The following CCDC146 variants were observed in gnomAD, a reference collection of about 807,000 sequenced individuals.
CCDC146 encodes coiled-coil domain-containing protein 146.
In CCDC146, 92 loss-of-function variants were observed where a neutral mutation model predicts 119.3. That is an observed-to-expected ratio of 0.77 (90% confidence interval 0.65 to 0.92). The LOEUF is 0.92. Among genes scored for constraint, CCDC146 ranks in the 40% least tolerant of loss-of-function variants. The probability of loss-of-function intolerance (pLI) is 0.00; values close to 1 mark genes in which losing one functional copy is unlikely to be tolerated. For synonymous variants in CCDC146, 372 were observed against 371.8 expected (o/e 1.00, Z -0.01); for missense variants, 1,000 against 1,103.0 (o/e 0.91, Z 1.32).
intron 4 of CCDC146, among the ~76,000 whole-genome samples, chr7:77,243,302 G>A (rs1425301326): frequency 6.6e-6 from 1 of 152,226 alleles, no homozygotes; most frequent in Non-Finnish European, 1.5e-5. Context: ...CTGACCTGCG[G>A]TGAATAAGAA....
intron 1 of CCDC146, among the ~76,000 whole-genome samples, chr7:77,156,445 C>T (rs2117456452): frequency 8.8e-6 from 1 of 113,690 alleles, no homozygotes; most frequent in Middle Eastern, 4.1e-3. Flanking sequence ...TCCTCTTTAT[C>T]ATTCCTTTTA....
At chr7:77,283,675 ATT>A (rs1793801553) in intron 15 of CCDC146, among the ~76,000 whole-genome samples, 1 of 152,138 alleles carries the variant, frequency 6.6e-6, no homozygotes, top group African/African-American at 2.4e-5. Flanking sequence ...CTTGTCATTT[ATT>A]TTCTAGGTAT....
intron 1 of CCDC146, among the ~76,000 whole-genome samples, chr7:77,133,940 G>T (rs1167893215): frequency 1.3e-5 from 2 of 151,914 alleles, no homozygotes; most frequent in Non-Finnish European, 2.9e-5. Context: ...TGATTATTTT[G>T]TTATTATAAG....
intron 2 of CCDC146, among the ~76,000 whole-genome samples, chr7:77,202,716 CAG>C (rs1398287546): frequency 6.6e-6 from 1 of 152,176 alleles, no homozygotes; most frequent in Non-Finnish European, 1.5e-5. Context: ...TCATGGAGGG[CAG>C]AGAGTGTTGT....
At chr7:77,123,452 GTGTGTT>G (rs1790653779) in intron 1 of CCDC146, among the ~76,000 whole-genome samples, 1 of 128,750 alleles carries the variant, frequency 7.8e-6, no homozygotes, top group Non-Finnish European at 1.7e-5. Context: ...GTGTGTGTGT[GTGTGTT>G]TACCTTTTAT....
intron 14 of CCDC146, 47 bp downstream of exon 14, chr7:77,280,700 AT>A: frequency 7.8e-7 from 1 of 1,288,724 alleles, no homozygotes; most frequent in African/African-American, 1.5e-5. Flanking sequence ...CAACTGAGGA[AT>A]GTCACCTCTT....
intron 2 of CCDC146, among the ~76,000 whole-genome samples, chr7:77,178,918 A>C (rs1433145335): frequency 2.0e-5 from 3 of 152,230 alleles, no homozygotes; most frequent in African/African-American, 7.2e-5. Context: ...ATTAAAATAA[A>C]ATACCTTTTT....
At chr7:77,147,186 T>C (rs1791034626) in intron 1 of CCDC146, among the ~76,000 whole-genome samples, 1 of 152,228 alleles carries the variant, frequency 6.6e-6, no homozygotes, top group Non-Finnish European at 1.5e-5. Context: ...ATACCCTTTC[T>C]TCCAGTTGAT....
At chr7:77,251,635 T>C (rs938188063) in intron 4 of CCDC146, among the ~76,000 whole-genome samples, 9 of 151,950 alleles carry the variant, frequency 5.9e-5, no homozygotes, top group Admixed American at 2.6e-4. Context: ...CATTCTACAG[T>C]GTTGTGATTA....
chr7:77,257,965 C>A (rs1209117311), intron 6 of CCDC146: 1 of 152,156 alleles, frequency 6.6e-6, no homozygotes, highest in Admixed American at 6.6e-5. Context: ...TTAGGCAGGG[C>A]TCCCCAGAAA....
At position 77,209,027 on chromosome 7, in the gene CCDC146, G is replaced by T. The variant is rs552072225; in HGVS notation, c.157-27920G>T. Among the ~76,000 whole-genome samples the T allele has an allele frequency of 7.4e-3, 1,130 of 152,084 alleles. 9 individuals carry two copies. Among genetic ancestry groups the T allele is most frequent in the Non-Finnish European group, 0.01 (706 of 67,992 alleles). On this transcript the variant is annotated intron_variant, in intron 2 of 18. Transcript: ENST00000285871. ...AGCCAAACCACATCATTTCACCTCC[G>T]GCCCCTCCCAAATCTCATGTCTTTC...
chr7:77,291,409 TA>T (rs199545071), intron 17 of CCDC146, among the ~76,000 whole-genome samples: 36,284 of 146,196 alleles, frequency 0.25, 5,026 homozygotes, highest in African/African-American at 0.39. Flanking sequence ...ATTAATAGGT[TA>T]AAAAAAAAAA....
chr7:77,259,959 TG>T (rs1793259461), intron 7 of CCDC146, 49 bp from the exon 8 acceptor site: 1 of 391,118 alleles, frequency 2.6e-6, no homozygotes, highest in Admixed American at 5.9e-5. Flanking sequence ...TGTGTGTGTG[TG>T]TGTGTGTGTG....
intron 8 of CCDC146, 35 bp downstream of exon 8, chr7:77,260,271 C>A: frequency 6.9e-7 from 1 of 1,444,664 alleles, no homozygotes. Flanking sequence ...GTTCTGTCAT[C>A]TAAATTTTTC....
chr7:77,256,538 A>ATT, intron 6 of CCDC146, 29 bp downstream of exon 6: 1 of 1,564,694 alleles, frequency 6.4e-7, no homozygotes, highest in Non-Finnish European at 8.7e-7. Flanking sequence ...ATATTTAAAC[A>ATT]TTGTGCCTTG....
At chr7:77,200,969 C>T (rs537592099) in intron 2 of CCDC146, among the ~76,000 whole-genome samples, 76 of 152,222 alleles carry the variant, frequency 5.0e-4, no homozygotes, top group African/African-American at 1.8e-3. Flanking sequence ...CACTCTGTAG[C>T]CTATCTCATA....
chr7:77,152,062 A>G (rs1014659481), intron 1 of CCDC146, among the ~76,000 whole-genome samples: 1 of 151,952 alleles, frequency 6.6e-6, no homozygotes, highest in African/African-American at 2.4e-5. Context: ...TTTTCCAAGT[A>G]CCACCTGGGA....
At chr7:77,284,727 A>G (rs1793819262) in intron 15 of CCDC146, among the ~76,000 whole-genome samples, 2 of 151,838 alleles carry the variant, frequency 1.3e-5, no homozygotes, top group Non-Finnish European at 2.9e-5. Context: ...TATGCATTTC[A>G]TAACACTACA....
chr7:77,270,320 A>AT (rs796933663), intron 9 of CCDC146, among the ~76,000 whole-genome samples: 2,534 of 143,532 alleles, frequency 0.018, 30 homozygotes, highest in Admixed American at 0.02. Flanking sequence ...TAGGAAGCAG[A>AT]TTTTTTTTTT....
Sources: allele counts gnomAD v4.1 joint callset (sites outside exome capture counted in the v4.1 genomes callset), GRCh38; gene constraint gnomAD v4.1.1; transcripts MANE v1.5; gene names NCBI Gene and HGNC (gene_info 2026-07-23, HGNC 2026-07-21).